The following RPL15 variants were observed in gnomAD, a reference collection of about 807,000 sequenced individuals.
The protein encoded by RPL15 is large ribosomal subunit protein eL15.
For synonymous variants in RPL15, 97 were observed against 95.1 expected (o/e 1.02, Z -0.12); for missense variants, 161 against 271.8 (o/e 0.59, Z 2.87).
At chr3:23,917,734 A>C in intron 1 of RPL15, 116 bp from the exon 2 acceptor site, 1 of 1,059,188 alleles carries the variant, frequency 9.4e-7, no homozygotes, top group Non-Finnish European at 1.4e-6. Flanking sequence ...GTTGGTGCAG[A>C]GCCATTTTCA....
upstream of RPL15, chr3:23,916,931 A>T (rs1704598198): frequency 6.6e-6 from 1 of 152,498 alleles, no homozygotes; most frequent in African/African-American, 2.4e-5. Context: ...CAACTCTCTC[A>T]CCTCTCGAGA....
rs1285226587 is a variant in RPL15, at chr3:23,920,970, A to G, written c.*1469A>G. The G allele has an allele frequency of 1.2e-5, 2 of 160,118 alleles. No individual in the cohort carries two copies. The highest frequency in any genetic ancestry group is 6.5e-5 in the Admixed American group (1 of 15,312). The allele number at this position is 160,118 out of a possible 1,614,324, so 9.9% of individuals were successfully genotyped here. A position where few individuals can be genotyped will look rare whatever the true frequency, so the allele number is the denominator to read the frequency against. On this transcript the variant is annotated 3_prime_UTR_variant, in exon 4 of 4. Coordinates refer to ENST00000307839, the MANE Select transcript of RPL15 (RefSeq NM_002948.5). The stretch of plus-strand genomic sequence containing the variant: ...GAAATAATATAATTTGAGATAGCAT[A>G]AAATGTACTTATTCTCTCAGTTCTT...
chr3:23,918,297 C>T, intron 2 of RPL15, 143 bp from the exon 3 acceptor site: 1 of 1,040,438 alleles, frequency 9.6e-7, no homozygotes. Flanking sequence ...TTGAAAAAGA[C>T]TGGGATGTGT....
chr3:23,921,127 C>G (rs1427768690), downstream of RPL15: 1 of 154,818 alleles, frequency 6.5e-6, no homozygotes, highest in African/African-American at 2.4e-5. Flanking sequence ...ATAGTGAGAC[C>G]TAAAAACAAA....
chr3:23,920,718 CAT>C lies in RPL15; in HGVS notation c.*1219_*1220del, dbSNP rs370300006. 9.1e-4 allele frequency: 896 copies of C among 983,796 alleles called. 1 individual carries two copies. The African/African-American group carries it at 0.015, about 16-fold the overall frequency. 60.9% of individuals were successfully genotyped at this position (983,796 alleles called of 1,614,324 possible). A position where few individuals can be genotyped will look rare whatever the true frequency, so the allele number is the denominator to read the frequency against. Reference sequence around the variant, plus strand: ...AGTTAATTGATTTCCAGGAAGTACTCATAGCAAGTTCATAAAAGTTCTTGAGA... The same window carrying C: ...AGTTAATTGATTTCCAGGAAGTACTCAGCAAGTTCATAAAAGTTCTTGAGA... On this transcript the variant is annotated 3_prime_UTR_variant, in exon 4 of 4. Coordinates refer to ENST00000307839, the MANE Select transcript of RPL15 (RefSeq NM_002948.5).
Position 23,918,629 on chromosome 3 carries a change from G to T in RPL15, c.309+53G>T, listed in dbSNP as rs766788211. 10 of 1,579,774 alleles carry T rather than the reference G, an allele frequency of 6.3e-6. 1 individual carries two copies. The highest frequency in any genetic ancestry group is 7.7e-6 in the Non-Finnish European group (9 of 1,162,798). ...TGAATACTGCCTGGGGATGGTGGGA[G>T]AGAGAGATTAAGCAACTTTTCTGAT... On this transcript the variant is annotated intron_variant, in intron 3 of 3. Transcript: ENST00000307839.
chr3:23,921,599 T>C, downstream of RPL15: 2 of 585,600 alleles, frequency 3.4e-6, no homozygotes, highest in East Asian at 3.2e-5. Flanking sequence ...TTTTTCCAGA[T>C]GGAGTCTCAC....
chr3:23,921,651 T>A, downstream of RPL15: 1 of 595,400 alleles, frequency 1.7e-6, no homozygotes, highest in Non-Finnish European at 3.1e-6. Context: ...CACGGCTCAC[T>A]GCAACCTCTG....
At position 23,917,600 on chromosome 3, in the gene RPL15, G is replaced by C. The variant is rs1704704366; in HGVS notation, c.-10-250G>C. The C allele has an allele frequency of 1.8e-5, 8 of 435,126 alleles. No individual in the cohort carries two copies. The South Asian group carries it at 2.4e-4, about 13-fold the overall frequency. 27.0% of individuals were successfully genotyped at this position (435,126 alleles called of 1,614,324 possible). ...CAGCCACCCGCCCCCTTGGTGCTCAGTTCTGGTTCTGTTAATTCGCCCCAC... is the reference window on the plus strand; with the variant it reads ...CAGCCACCCGCCCCCTTGGTGCTCACTTCTGGTTCTGTTAATTCGCCCCAC... On this transcript the variant is annotated intron_variant, in intron 1 of 3. Transcript: ENST00000307839.
downstream of RPL15, chr3:23,923,960 A>C (rs1282729179): frequency 2.6e-5 from 4 of 152,164 alleles, no homozygotes; most frequent in African/African-American, 9.7e-5. Context: ...CCCCCTGAAA[A>C]CACAACTAAA....
downstream of RPL15, chr3:23,921,736 A>G: frequency 1.6e-6 from 1 of 619,220 alleles, no homozygotes; most frequent in Non-Finnish European, 2.8e-6. Context: ...TGCCATGCCC[A>G]GCTAAGTTTT....
At chr3:23,924,554 G>A (rs911668121), downstream of RPL15, among the ~76,000 whole-genome samples, 3 of 152,018 alleles carry the variant, frequency 2.0e-5, no homozygotes, top group East Asian at 1.9e-4. Context: ...ACAGGTGTGC[G>A]CCACTACTAA....
downstream of RPL15, chr3:23,923,246 G>A (rs1705146477): frequency 1.8e-5 from 2 of 113,400 alleles, no homozygotes; most frequent in Non-Finnish European, 3.4e-5. Context: ...TTGAGATGTA[G>A]TTTTGCTCTT....
chr3:23,922,299 C>T (rs1183038009), downstream of RPL15: 5 of 152,248 alleles, frequency 3.3e-5, no homozygotes, highest in Admixed American at 3.3e-4. The surrounding 1 kb of genome is among the most constrained non-coding windows in gnomAD (Gnocchi z 4.2). Flanking sequence ...TAGTATTAAT[C>T]CTTTTTTGCC....
At chr3:23,921,241 C>T (rs1705064344), downstream of RPL15, among the ~76,000 whole-genome samples, 1 of 152,134 alleles carries the variant, frequency 6.6e-6, no homozygotes, top group Non-Finnish European at 1.5e-5. Context: ...TGCTACCCAA[C>T]AGTTTTATCT....
chr3:23,916,903 C>G (rs957220246), upstream of RPL15: 1 of 152,754 alleles, frequency 6.5e-6, no homozygotes, highest in Non-Finnish European at 1.5e-5. Flanking sequence ...GCTCGCTTAG[C>G]CGCCGAGACC....
chr3:23,916,726 G>GGAGACGCGGAGACGCGGAGACGCA (rs1355070903), upstream of RPL15: 2 of 152,312 alleles, frequency 1.3e-5, no homozygotes, highest in African/African-American at 2.4e-5. Context: ...AGCGCAGCGC[G>GGAGACGCGGAGACGCGGAGACGCA]GAGACGCGGA....
chr3:23,920,644 C>G lies in RPL15; in HGVS notation c.*1143C>G, dbSNP rs117552532. 1 of 984,718 alleles carries G rather than the reference C, an allele frequency of 1.0e-6. No individual in the cohort carries two copies. Among genetic ancestry groups the G allele is most frequent in the Non-Finnish European group, 1.2e-6 (1 of 829,462 alleles). The allele number at this position is 984,718 out of a possible 1,614,324, so 61.0% of individuals were successfully genotyped here. On this transcript the variant is annotated 3_prime_UTR_variant, in exon 4 of 4. Coordinates refer to ENST00000307839, the MANE Select transcript of RPL15 (RefSeq NM_002948.5). ...ACTTTGCTGACTTAATTTAAATGCT[C>G]GTTCTGAACCAATTTTCTCCTATCT...
In RPL15 at chr3:23,919,964, GC is replaced by G. The variant is rs1414240602; in HGVS notation, c.*465del. ...AATCTGGGTTAGCCTGAAGAAAATT[GC>G]CTCAGCCTCCACAGTACCATTTTAA... On this transcript the variant is annotated 3_prime_UTR_variant, in exon 4 of 4. Coordinates refer to ENST00000307839, the MANE Select transcript of RPL15 (RefSeq NM_002948.5). 6.1e-6 allele frequency: 6 copies of G among 988,314 alleles called. No homozygotes were observed. Among genetic ancestry groups the G allele is most frequent in the Non-Finnish European group, 7.2e-6 (6 of 831,714 alleles). 61.2% of individuals were successfully genotyped at this position (988,314 alleles called of 1,614,324 possible).
Sources: gnomAD v4.1 joint callset for allele counts (sites outside exome capture counted in the v4.1 genomes callset) on GRCh38, gnomAD v4.1.1 for gene constraint, Gnocchi (gnomAD v3.1) non-coding constraint, MANE v1.5 for transcripts, NCBI Gene and HGNC (gene_info 2026-07-23, HGNC 2026-07-21) for gene names.